The following NUP160 variants were observed in gnomAD, a reference collection of about 807,000 sequenced individuals.
The protein encoded by NUP160 is nucleoporin 160.
A neutral mutation model predicts 196.9 loss-of-function variants in NUP160; 94 were observed. That is an observed-to-expected ratio of 0.48 (90% CI 0.40 to 0.57). The LOEUF (loss-of-function observed/expected upper bound fraction) is 0.57, where lower values mean the gene tolerates loss of function less well. Among genes scored for constraint, NUP160 ranks in the 20% least tolerant of loss-of-function variants. The probability of loss-of-function intolerance (pLI) is 0.00; values close to 1 mark genes in which losing one functional copy is unlikely to be tolerated. For synonymous variants in NUP160, 605 were observed against 619.7 expected, an observed-to-expected ratio of 0.98 and a Z score of 0.35; for missense variants, 1,638 against 1,748.3, an observed-to-expected ratio of 0.94 and a Z score of 1.13.
chr11:47,815,843 C>T (rs975298664), intron 12 of NUP160, 103 bp downstream of exon 12: 4 of 1,035,060 alleles, frequency 3.9e-6, no homozygotes, highest in Non-Finnish European at 5.8e-6. Flanking sequence ...TATGTTCCAA[C>T]AAACAAGGTC....
At position 47,806,015 on chromosome 11, in the gene NUP160, T is replaced by C. The variant is rs546838695; in HGVS notation, c.2606+138A>G. 180 of 718,682 alleles carry C rather than the reference T, an allele frequency of 2.5e-4. 2 individuals carry two copies. In the South Asian group the frequency reaches 3.1e-3, roughly 12 times the overall value. The allele number at this position is 718,682 out of a possible 1,614,324, so 44.5% of individuals were successfully genotyped here. ...TTTTAGTAGAGGTGGGGTTTCACCA[T>C]GTTGGCCAGGCTGGTCTCGAACTTC... On this transcript the variant is annotated intron_variant, in intron 20 of 35. Transcript: ENST00000378460.
chr11:47,840,271 AC>A (rs1249148727), intron 3 of NUP160, 106 bp downstream of exon 3: 1 of 1,004,026 alleles, frequency 1.0e-6, no homozygotes, highest in Non-Finnish European at 1.6e-6. Flanking sequence ...GTGAGGGATA[AC>A]GAGAATCCAA....
intron 7 of NUP160, among the ~76,000 whole-genome samples, chr11:47,822,794 C>CCACCTATGAGTGAGAA (rs1851890261): frequency 6.6e-6 from 1 of 152,138 alleles, no homozygotes; most frequent in African/African-American, 2.4e-5. Flanking sequence ...TGTTCAATTC[C>CCACCTATGAGTGAGAA]CACCTATGAG....
chr11:47,840,304 C>T (rs1304538093), intron 3 of NUP160, 74 bp downstream of exon 3: 3 of 1,313,754 alleles, frequency 2.3e-6, no homozygotes, highest in Non-Finnish European at 3.3e-6. Context: ...TTCCAAAAGA[C>T]ATCGCTCCAG....
chr11:47,822,596 A>G (rs1241419161), intron 7 of NUP160, among the ~76,000 whole-genome samples: 2 of 151,056 alleles, frequency 1.3e-5, no homozygotes, highest in African/African-American at 4.9e-5. Flanking sequence ...TTAATACTTT[A>G]AATTCTAGGT....
intron 2 of NUP160, among the ~76,000 whole-genome samples, chr11:47,842,805 C>T (rs1198296255): frequency 6.6e-6 from 1 of 152,082 alleles, no homozygotes; most frequent in Non-Finnish European, 1.5e-5. Context: ...GCCTGGGCAA[C>T]ACAGCAAAAC....
chr11:47,815,454 C>T (rs2097683863), intron 13 of NUP160, 25 bp downstream of exon 13: 1 of 1,529,244 alleles, frequency 6.5e-7, no homozygotes, highest in Non-Finnish European at 8.7e-7. Context: ...TCAAGAAGGT[C>T]TTCTCTATGC....
chr11:47,780,262 G>A (rs545707309), intron 35 of NUP160, 81 bp downstream of exon 35: 33 of 993,412 alleles, frequency 3.3e-5, no homozygotes, highest in African/African-American at 9.6e-5. Context: ...TTCTAATCCC[G>A]GAGAACTGAA....
intron 7 of NUP160, among the ~76,000 whole-genome samples, chr11:47,830,257 T>G (rs1458736134): frequency 6.6e-6 from 1 of 152,218 alleles, no homozygotes; most frequent in Non-Finnish European, 1.5e-5. Flanking sequence ...TATACAATGT[T>G]GGTGGGACTG....
chr11:47,826,732 T>C (rs188761989), intron 7 of NUP160, among the ~76,000 whole-genome samples: 5 of 152,202 alleles, frequency 3.3e-5, no homozygotes, highest in Admixed American at 3.3e-4. Flanking sequence ...TTGGCTAATT[T>C]TTGTATTTTT....
chr11:47,806,458 A>T (rs1344437293), intron 19 of NUP160, 146 bp from the exon 20 acceptor site: 1 of 592,914 alleles, frequency 1.7e-6, no homozygotes, highest in East Asian at 2.8e-5. Flanking sequence ...TCCAGTGGCA[A>T]TATAAATAAA....
chr11:47,822,932 G>A (rs1175345453), intron 7 of NUP160, among the ~76,000 whole-genome samples: 1 of 152,190 alleles, frequency 6.6e-6, no homozygotes, highest in Non-Finnish European at 1.5e-5. Flanking sequence ...GTATTCCATG[G>A]TGTATATGTG....
At chr11:47,797,856 C>G (rs781128042) in exon 27 of NUP160, 4 of 1,612,466 alleles carry the variant, frequency 2.5e-6, no homozygotes, top group East Asian at 4.5e-5. Context: ...GTCCACAGCT[C>G]TAGCACGTGA....
intron 27 of NUP160, 129 bp from the exon 28 acceptor site, chr11:47,793,075 C>T (rs949512333): frequency 4.5e-5 from 29 of 640,212 alleles, no homozygotes; most frequent in Non-Finnish European, 6.1e-5. Flanking sequence ...CAACCTCCGC[C>T]TCCCTGGTTC....
intron 32 of NUP160, among the ~76,000 whole-genome samples, chr11:47,785,515 T>C (rs190954911): frequency 7.0e-4 from 107 of 152,326 alleles, no homozygotes; most frequent in African/African-American, 2.5e-3. Flanking sequence ...ATGTGACTTA[T>C]GGGGATAGCA....
intron 7 of NUP160, among the ~76,000 whole-genome samples, chr11:47,834,819 G>T (rs922180158): frequency 2.0e-4 from 31 of 152,180 alleles, no homozygotes; most frequent in African/African-American, 4.8e-4. Context: ...CTGACTTCGG[G>T]GGGAGGAGCA....
intron 7 of NUP160, among the ~76,000 whole-genome samples, chr11:47,826,241 G>C (rs759330506): frequency 1.3e-5 from 2 of 152,044 alleles, no homozygotes; most frequent in Non-Finnish European, 2.9e-5. Context: ...CCGAGTAGCC[G>C]GAACTATACA....
chr11:47,815,871 A>T, intron 12 of NUP160, 75 bp downstream of exon 12: 1 of 1,178,088 alleles, frequency 8.5e-7, no homozygotes, highest in Non-Finnish European at 1.2e-6. Context: ...GAATTCCAGT[A>T]ATTCCTCGGT....
intron 7 of NUP160, among the ~76,000 whole-genome samples, chr11:47,829,684 G>T (rs985390427): frequency 1.3e-5 from 2 of 152,062 alleles, no homozygotes; most frequent in African/African-American, 4.8e-5. Context: ...ACTGAAGCTG[G>T]ATCCCTTCCT....
Sources: gnomAD v4.1 joint callset for allele counts (sites outside exome capture counted in the v4.1 genomes callset) on GRCh38, gnomAD v4.1.1 for gene constraint, MANE v1.5 for transcripts, NCBI Gene and HGNC (gene_info 2026-07-23, HGNC 2026-07-21) for gene names.